Variants in DBT observed in about 807,000 individuals in gnomAD.
The protein encoded by DBT is lipoamide acyltransferase component of branched-chain alpha-keto acid dehydrogenase complex, mitochondrial.
A neutral mutation model predicts 51.3 loss-of-function variants in DBT; 40 were observed. The observed-to-expected ratio is 0.78, with a 90% CI of 0.61 to 1.02. DBT has a LOEUF of 1.02. Among genes scored for constraint, DBT ranks in the 50% least tolerant of loss-of-function variants. DBT has a pLI of 0.00. For synonymous variants in DBT, 181 were observed against 190.4 expected, an observed-to-expected ratio of 0.95 and a Z score of 0.41; for missense variants, 510 against 580.2, an observed-to-expected ratio of 0.88 and a Z score of 1.24.
At chr1:100,229,997 C>A (rs1339340751) in intron 4 of DBT, among the ~76,000 whole-genome samples, 1 of 152,054 alleles carries the variant, frequency 6.6e-6, no homozygotes, top group East Asian at 1.9e-4. Flanking sequence ...TTCTCTTCAA[C>A]TTCTCTTGAA....
At chr1:100,209,079 T>C (rs565696685) in intron 8 of DBT, among the ~76,000 whole-genome samples, 108 of 116,486 alleles carry the variant, frequency 9.3e-4, no homozygotes, top group African/African-American at 3.2e-3. Flanking sequence ...TTGTTTTCTT[T>C]TTTCTTTTCT....
chr1:100,238,088 T>G (rs929779945), intron 2 of DBT, among the ~76,000 whole-genome samples: 11 of 152,158 alleles, frequency 7.2e-5, no homozygotes, highest in African/African-American at 2.7e-4. Context: ...GGTTTCTAGC[T>G]TTCCTTCCTC....
rs1051519543 is a variant in DBT at position 100,187,312 on chromosome 1, G to A, written c.*8943C>T. ...CTTCGGTGTCAAATGATACAGAAAT[G>A]GCACTGGTTTCCTATATGTTGACTG... is the stretch of plus-strand genomic sequence containing the variant. On this transcript the variant is annotated 3_prime_UTR_variant, in exon 11 of 11. Coordinates refer to ENST00000370132, the MANE Select transcript of DBT (RefSeq NM_001918.5). The A allele has an allele frequency of 3.9e-5, 6 of 152,150 alleles. No homozygotes were observed. The highest frequency in any genetic ancestry group is 6.5e-5 in the Admixed American group (1 of 15,274). 9.4% of individuals were successfully genotyped at this position (152,150 alleles called of 1,614,324 possible).
At chr1:100,249,019 C>T (rs996567704) in intron 1 of DBT, 1 of 722,472 alleles carries the variant, frequency 1.4e-6, no homozygotes, top group African/African-American at 1.9e-5. Flanking sequence ...CAGTGCCTAA[C>T]ACAGCACTGG....
At chr1:100,245,963 T>C (rs1248296510) in intron 1 of DBT, among the ~76,000 whole-genome samples, 1 of 149,620 alleles carries the variant, frequency 6.7e-6, no homozygotes, top group Non-Finnish European at 1.5e-5. Flanking sequence ...AAAATAATAA[T>C]AAATAAAATA....
At chr1:100,234,907 G>T (rs1337730286) in intron 3 of DBT, among the ~76,000 whole-genome samples, 1 of 152,112 alleles carries the variant, frequency 6.6e-6, no homozygotes, top group East Asian at 1.9e-4. Context: ...CATCTTAACT[G>T]CCACTTCTAA....
chr1:100,193,081 T>C lies in DBT; in HGVS notation c.*3174A>G, dbSNP rs1660882604. The C allele has an allele frequency of 6.6e-6, 1 of 152,236 alleles. No homozygotes were observed. The highest frequency in any genetic ancestry group is 1.5e-5 in the Non-Finnish European group (1 of 68,062). The allele number at this position is 152,236 out of a possible 1,614,324, so 9.4% of individuals were successfully genotyped here. A position where few individuals can be genotyped will look rare whatever the true frequency, so the allele number is the denominator to read the frequency against. ...GCTATCCTAAGGGCCGTGCACACTGTAGGGAACAAATCCTTTGCTGAATTC... is the reference window on the plus strand; with the variant it reads ...GCTATCCTAAGGGCCGTGCACACTGCAGGGAACAAATCCTTTGCTGAATTC... On this transcript the variant is annotated 3_prime_UTR_variant, in exon 11 of 11. Transcript: ENST00000370132.
chr1:100,220,070 A>C (rs1271930301), intron 4 of DBT, among the ~76,000 whole-genome samples: 1 of 152,042 alleles, frequency 6.6e-6, no homozygotes, highest in Non-Finnish European at 1.5e-5. Context: ...ACTTGGGCCC[A>C]AGAAGTCAAG....
chr1:100,208,830 A>G (rs1375818868), intron 8 of DBT, among the ~76,000 whole-genome samples: 1 of 150,096 alleles, frequency 6.7e-6, no homozygotes, highest in Non-Finnish European at 1.5e-5. Context: ...TGGACACTGC[A>G]GTGAGGCGAT....
At chr1:100,234,594 A>G (rs961651835) in intron 3 of DBT, among the ~76,000 whole-genome samples, 1 of 152,190 alleles carries the variant, frequency 6.6e-6, no homozygotes, top group African/African-American at 2.4e-5. Context: ...TCAACACTCC[A>G]GAGGTTGGCA....
intron 10 of DBT, among the ~76,000 whole-genome samples, chr1:100,198,809 A>G (rs1481480123): frequency 6.6e-6 from 1 of 152,188 alleles, no homozygotes; most frequent in African/African-American, 2.4e-5. Flanking sequence ...CTAATTTACT[A>G]TCTGCTAGAA....
At chr1:100,201,795 C>T (rs1460431267) in intron 10 of DBT, among the ~76,000 whole-genome samples, 1 of 152,102 alleles carries the variant, frequency 6.6e-6, no homozygotes, top group African/African-American at 2.4e-5. Flanking sequence ...ATTTCATATC[C>T]AGCTAAACTA....
At chr1:100,233,546 T>C (rs1392605613) in intron 3 of DBT, among the ~76,000 whole-genome samples, 1 of 152,226 alleles carries the variant, frequency 6.6e-6, no homozygotes, top group Admixed American at 6.5e-5. Context: ...TTATGGATAG[T>C]TTGAAATGGT....
intron 7 of DBT, chr1:100,213,268 G>A: frequency 7.5e-7 from 1 of 1,332,732 alleles, no homozygotes; most frequent in Non-Finnish European, 9.6e-7. Flanking sequence ...CCCCGCCGGG[G>A]CCGACAGAGC....
At chr1:100,246,764 G>A (rs1019823795) in intron 1 of DBT, among the ~76,000 whole-genome samples, 4 of 152,072 alleles carry the variant, frequency 2.6e-5, no homozygotes, top group Non-Finnish European at 5.9e-5. Context: ...TTCCCTTATA[G>A]AATGCACAGT....
chr1:100,208,116 CAGA>C (rs1661911651), intron 8 of DBT, among the ~76,000 whole-genome samples: 1 of 152,156 alleles, frequency 6.6e-6, no homozygotes, highest in African/African-American at 2.4e-5. Flanking sequence ...GCCTGGGCCA[CAGA>C]GCAAGACTCT....
chr1:100,239,338 G>C (rs1168138243), intron 2 of DBT, among the ~76,000 whole-genome samples: 1 of 152,110 alleles, frequency 6.6e-6, no homozygotes, highest in African/African-American at 2.4e-5. Flanking sequence ...GACTGGACCA[G>C]GAAGTTGAAG....
chr1:100,227,264 C>A (rs1663273847), intron 4 of DBT, among the ~76,000 whole-genome samples: 1 of 152,230 alleles, frequency 6.6e-6, no homozygotes, highest in Non-Finnish European at 1.5e-5. Flanking sequence ...TACACTCACA[C>A]ATACACTGAG....
At position 100,200,004 on chromosome 1, in the gene DBT, G is replaced by C. The variant is rs552188672; in HGVS notation, c.1282-3582C>G. ...CAGACACCAAGCTAGCTGCAGTTTT[G>C]TTTTTTTTTTCATACCCCAGTGATG... is the stretch of plus-strand genomic sequence containing the variant. On this transcript the variant is annotated intron_variant, in intron 10 of 10. Transcript: ENST00000370132. Among the ~76,000 whole-genome samples, 8 of 148,922 alleles carry C rather than the reference G, an allele frequency of 5.4e-5. No homozygotes were observed. The South Asian group carries it at 1.1e-3, about 20-fold the overall frequency.
Sources: gnomAD v4.1 joint callset for allele counts (sites outside exome capture counted in the v4.1 genomes callset) on GRCh38, gnomAD v4.1.1 for gene constraint, MANE v1.5 for transcripts, NCBI Gene and HGNC (gene_info 2026-07-23, HGNC 2026-07-21) for gene names.